ANO5: variants seen among roughly 807,000 people sequenced by gnomAD.
ANO5 encodes anoctamin-5.
ANO5 carries 109 observed loss-of-function variants against 121.0 expected under a neutral mutation model. The ratio of observed to expected loss-of-function variants is 0.90; its 90% CI spans 0.77 to 1.06. The LOEUF is 1.06. Ranked by LOEUF, ANO5 falls within the 50% of genes least tolerant of loss-of-function variation. The pLI, the probability that ANO5 is intolerant of heterozygous loss-of-function variation, is 0.00. For synonymous variants in ANO5, 406 were observed against 359.9 expected (o/e 1.13, Z -1.45); for missense variants, 1,064 against 1,078.5 (o/e 0.99, Z 0.19).
At chr11:22,273,885 AGTG>A (rs1854729006) in intron 19 of ANO5, among the ~76,000 whole-genome samples, 1 of 152,110 alleles carries the variant, frequency 6.6e-6, no homozygotes, top group African/African-American at 2.4e-5. Flanking sequence ...AGATCTATTC[AGTG>A]AGTAATAGAA....
intron 2 of ANO5, 140 bp downstream of exon 2, chr11:22,203,990 G>A (rs183004735): frequency 1.8e-6 from 1 of 542,114 alleles, no homozygotes; most frequent in Admixed American, 3.3e-5. Context: ...AGTAGCTAAA[G>A]CAAGTTCCAT....
At chr11:22,237,811 T>C (rs746448170) in intron 8 of ANO5, among the ~76,000 whole-genome samples, 1 of 151,994 alleles carries the variant, frequency 6.6e-6, no homozygotes, top group African/African-American at 2.4e-5. Flanking sequence ...CTTGAACACA[T>C]ATATAGTAAA....
In ANO5 at chr11:22,279,871, T is replaced by A; in HGVS notation, c.*106T>A. The A allele has an allele frequency of 1.0e-6, 1 of 988,184 alleles. No individual in the cohort carries two copies. The allele number at this position is 988,184 out of a possible 1,614,324, so 61.2% of individuals were successfully genotyped here. On this transcript the variant is annotated 3_prime_UTR_variant, in exon 22 of 22. Coordinates refer to ENST00000324559, the MANE Select transcript of ANO5 (RefSeq NM_213599.3). ...GTGTCAATTTTACCCTTTCTTTTTT[T>A]TTTTTTTCTTTTTTTTTTTAAACTC...
intron 9 of ANO5, among the ~76,000 whole-genome samples, chr11:22,240,968 A>G (rs1853410155): frequency 6.6e-6 from 1 of 151,958 alleles, no homozygotes; most frequent in South Asian, 2.1e-4. Flanking sequence ...TAAATTTTTC[A>G]TAATTCATTT....
At chr11:22,264,277 A>T (rs12285548) in intron 17 of ANO5, among the ~76,000 whole-genome samples, 8,930 of 151,950 alleles carry the variant, frequency 0.059, 876 homozygotes, top group African/African-American at 0.21. Flanking sequence ...CACCCGCCTC[A>T]GCCTCCCAAA....
intron 13 of ANO5, among the ~76,000 whole-genome samples, chr11:22,256,208 A>G (rs1853995216): frequency 6.6e-6 from 1 of 152,166 alleles, no homozygotes; most frequent in African/African-American, 2.4e-5. Flanking sequence ...TTTAAAGACC[A>G]GAATCTTGGT....
chr11:22,245,365 C>CTTTT (rs1482153042), intron 9 of ANO5, among the ~76,000 whole-genome samples: 1 of 152,150 alleles, frequency 6.6e-6, no homozygotes, highest in Non-Finnish European at 1.5e-5. Flanking sequence ...TTGTTACTTG[C>CTTTT]TAATTTCAGT....
intron 2 of ANO5, among the ~76,000 whole-genome samples, chr11:22,206,166 T>C (rs960323168): frequency 6.6e-6 from 1 of 151,746 alleles, no homozygotes; most frequent in African/African-American, 2.4e-5. Flanking sequence ...TAAAAAAAAA[T>C]GAAAACAAAA....
At chr11:22,273,645 T>C (rs1854713628) in intron 19 of ANO5, among the ~76,000 whole-genome samples, 1 of 151,896 alleles carries the variant, frequency 6.6e-6, no homozygotes, top group East Asian at 1.9e-4. Flanking sequence ...CTGTCAAAAA[T>C]TGTAAATCAA....
intron 4 of ANO5, among the ~76,000 whole-genome samples, chr11:22,219,205 G>C (rs991799606): frequency 6.6e-6 from 1 of 151,954 alleles, no homozygotes; most frequent in Non-Finnish European, 1.5e-5. Context: ...TATCATCAGG[G>C]TGTGATATAA....
In ANO5 at chr11:22,270,407, G is replaced by A; in HGVS notation, c.1994G>A (p.Gly665Glu). Residue 665 changes from glycine (G) to glutamate (E), a missense_variant, in exon 18 of 22, where the codon GGA becomes GAA. Physicochemically the swap from Gly to Glu is moderately conservative, Grantham distance 98 (BLOSUM62 -2). Coordinates refer to ENST00000324559, the MANE Select transcript of ANO5 (RefSeq NM_213599.3). ...WEQDHDLESFGPLGLFYEYLE... is the reference protein window; with the variant it reads ...WEQDHDLESFEPLGLFYEYLE... The stretch of plus-strand genomic sequence containing the variant: ...CAGGATCATGACCTTGAAAGTTTTG[G>A]ACCCCTTGGGCTTTTCTATGAGTAC... 6.2e-7 allele frequency: 1 copy of A among 1,614,114 alleles called. No homozygotes were observed. Among genetic ancestry groups the A allele is most frequent in the Non-Finnish European group, 8.5e-7 (1 of 1,179,996 alleles).
chr11:22,195,375 G>C (rs1177093124), intron 1 of ANO5, among the ~76,000 whole-genome samples: 1 of 151,870 alleles, frequency 6.6e-6, no homozygotes, highest in Non-Finnish European at 1.5e-5. Flanking sequence ...CATTCTGAGT[G>C]TTATCATTCT....
intron 20 of ANO5, 87 bp downstream of exon 20, chr11:22,274,834 AT>A: frequency 6.7e-7 from 1 of 1,492,502 alleles, no homozygotes; most frequent in Non-Finnish European, 9.1e-7. Context: ...GTCTTACAAT[AT>A]AAAGGATTTT....
chr11:22,198,036 C>T (rs1055129058), intron 1 of ANO5, among the ~76,000 whole-genome samples: 2 of 152,154 alleles, frequency 1.3e-5, no homozygotes, highest in African/African-American at 2.4e-5. Context: ...TCTGTGTGAA[C>T]ATCTAATTGC....
At chr11:22,226,604 T>TA (rs1172821213) in intron 6 of ANO5, among the ~76,000 whole-genome samples, 1 of 152,072 alleles carries the variant, frequency 6.6e-6, no homozygotes, top group African/African-American at 2.4e-5. Flanking sequence ...ATGGTGCCTG[T>TA]AGTCCAGCTA....
intron 3 of ANO5, among the ~76,000 whole-genome samples, chr11:22,216,689 T>C (rs10741931): frequency 0.69 from 105,021 of 151,706 alleles, 37,880 homozygotes; most frequent in Non-Finnish European, 0.81. Context: ...TTTAGAAGTA[T>C]ATAAATTCAA....
At position 22,237,163 on chromosome 11, in the gene ANO5, A is replaced by G. The variant is rs183448920; in HGVS notation, c.762+887A>G. ...TCTTTTGTTACAGTTTTACTCTTCC[A>G]TACTTAAAAAGACTTTTTGGTGATG... On this transcript the variant is annotated intron_variant, in intron 8 of 21. Transcript: ENST00000324559. Among the ~76,000 whole-genome samples the G allele has an allele frequency of 4.7e-3, 722 of 152,234 alleles. 10 individuals are homozygous for G. Among genetic ancestry groups the G allele is most frequent in the Non-Finnish European group, 5.2e-3 (353 of 68,008 alleles).
intron 12 of ANO5, among the ~76,000 whole-genome samples, chr11:22,254,092 G>T (rs889604621): frequency 2.8e-4 from 42 of 151,932 alleles, no homozygotes; most frequent in Middle Eastern, 6.8e-3. Context: ...TAAATAATGA[G>T]CAAAGGAAAA....
intron 18 of ANO5, among the ~76,000 whole-genome samples, chr11:22,272,157 A>C (rs1854639507): frequency 6.6e-6 from 1 of 152,180 alleles, no homozygotes; most frequent in Admixed American, 6.5e-5. Flanking sequence ...AAATGTGGAG[A>C]TAAGCCAGCT....
Sources: gnomAD v4.1 joint callset for allele counts (sites outside exome capture counted in the v4.1 genomes callset) on GRCh38, gnomAD v4.1.1 for gene constraint, MANE v1.5 for transcripts, NCBI Gene and HGNC (gene_info 2026-07-23, HGNC 2026-07-21) for gene names.